The following TSHZ2 variants were observed in gnomAD, a reference collection of about 807,000 sequenced individuals.
TSHZ2 encodes teashirt homolog 2.
Under a neutral mutation model 74.4 loss-of-function variants are expected in TSHZ2, and 21 were observed. That is an observed-to-expected ratio of 0.28 (90% CI 0.20 to 0.41). TSHZ2 has a LOEUF of 0.41. TSHZ2 is among the 10% of genes least tolerant of loss of function. The pLI is 1.00. For missense variants in TSHZ2, 1,244 were observed against 1,293.5 expected (o/e 0.96, Z 0.59); for synonymous variants, 540 against 515.3 (o/e 1.05, Z -0.65).
chr20:53,305,909 C>T (rs1194128967), intron 2 of TSHZ2, among the ~76,000 whole-genome samples: 1 of 150,434 alleles, frequency 6.6e-6, no homozygotes, highest in South Asian at 2.1e-4. Context: ...ACCCGGGAGG[C>T]GGAGGCTGCA....
Position 53,482,108 on chromosome 20 carries a change from T to TAAAAAA in TSHZ2, c.*9-5015_*9-5010dup, listed in dbSNP as rs570413572. Among the ~76,000 whole-genome samples, 7 of 74,344 alleles carry TAAAAAA rather than the reference T, an allele frequency of 9.4e-5. 1 individual carries two copies. The highest frequency in any genetic ancestry group is 7.9e-4 in the East Asian group (2 of 2,530). 48.8% of individuals were successfully genotyped at this position (74,344 alleles called of 152,430 possible). On this transcript the variant is annotated intron_variant, in intron 2 of 2. Coordinates refer to ENST00000371497, the MANE Select transcript of TSHZ2 (RefSeq NM_173485.6). ...GCAACAAGAGCGAAACTCCATCTCA[T>TAAAAAA]AAAAAAAAAAAAAAAAAAAAAAAAA...
rs369330384 is a variant in TSHZ2 at position 53,288,571 on chromosome 20, C to T, written c.*8+32000C>T. ...TCCCATCAACAGTGATTGGGAGGAC[C>T]GCTCATTTATTCATTCAACATATTT... is the stretch of plus-strand genomic sequence containing the variant. On this transcript the variant is annotated intron_variant, in intron 2 of 2. Coordinates refer to ENST00000371497, the MANE Select transcript of TSHZ2 (RefSeq NM_173485.6). 3.9e-5 allele frequency among the ~76,000 whole-genome samples: 6 copies of T among 152,070 alleles called. No individual in the cohort carries two copies. In the East Asian group the frequency reaches 5.8e-4, roughly 15 times the overall value.
At chr20:53,431,997 A>G (rs1025969668) in intron 2 of TSHZ2, among the ~76,000 whole-genome samples, 10 of 152,162 alleles carry the variant, frequency 6.6e-5, no homozygotes, top group Admixed American at 6.5e-4. Flanking sequence ...TTTTTATTTA[A>G]ATAGCTTTAG....
At chr20:53,483,549 TA>T (rs1425587812) in intron 2 of TSHZ2, among the ~76,000 whole-genome samples, 1 of 152,098 alleles carries the variant, frequency 6.6e-6, no homozygotes, top group Non-Finnish European at 1.5e-5. Context: ...AACAAATTTT[TA>T]ATTAAAAAAT....
chr20:53,302,922 G>C (rs1214213111), intron 2 of TSHZ2, among the ~76,000 whole-genome samples: 1 of 152,194 alleles, frequency 6.6e-6, no homozygotes, highest in Non-Finnish European at 1.5e-5. Flanking sequence ...GGCCAAGGTG[G>C]CTGGTAGGAA....
At chr20:53,183,667 A>T (rs752358069) in intron 1 of TSHZ2, among the ~76,000 whole-genome samples, 4 of 152,204 alleles carry the variant, frequency 2.6e-5, no homozygotes, top group Non-Finnish European at 4.4e-5. Flanking sequence ...AGTTTCCTGG[A>T]ATGCAGGATA....
At chr20:53,170,782 G>T (rs932455467) in intron 1 of TSHZ2, among the ~76,000 whole-genome samples, 1 of 152,114 alleles carries the variant, frequency 6.6e-6, no homozygotes, top group African/African-American at 2.4e-5. Flanking sequence ...CTTCCTTAAG[G>T]TGAGGGATAT....
At chr20:53,225,355 A>G (rs758510430) in intron 1 of TSHZ2, among the ~76,000 whole-genome samples, 1 of 152,378 alleles carries the variant, frequency 6.6e-6, no homozygotes, top group African/African-American at 2.4e-5. Context: ...ACGAGAGCCC[A>G]TCATGGGTCC....
intron 2 of TSHZ2, among the ~76,000 whole-genome samples, chr20:53,441,805 C>T (rs1173602619): frequency 6.6e-6 from 1 of 151,916 alleles, no homozygotes; most frequent in Non-Finnish European, 1.5e-5. Flanking sequence ...TAGTCTTGAA[C>T]TCCTGACCTC....
At chr20:53,185,117 A>T (rs2904357) in intron 1 of TSHZ2, among the ~76,000 whole-genome samples, 52,699 of 152,016 alleles carry the variant, frequency 0.35, 10,435 homozygotes, top group East Asian at 0.78. Flanking sequence ...TACATTTTTT[A>T]AAATCTTTCA....
chr20:53,026,452 A>C (rs1468372450), intron 1 of TSHZ2, among the ~76,000 whole-genome samples: 8 of 151,866 alleles, frequency 5.3e-5, no homozygotes, highest in Admixed American at 2.0e-4. Flanking sequence ...CCCAGGTTCA[A>C]CTGATTCTCC....
intron 1 of TSHZ2, among the ~76,000 whole-genome samples, chr20:53,237,917 G>T (rs1989977727): frequency 6.6e-6 from 1 of 152,078 alleles, no homozygotes; most frequent in Non-Finnish European, 1.5e-5. Flanking sequence ...AGTCATTGGG[G>T]GATGATATGT....
At chr20:53,459,444 T>C (rs1468259053) in intron 2 of TSHZ2, among the ~76,000 whole-genome samples, 14 of 150,934 alleles carry the variant, frequency 9.3e-5, no homozygotes, top group Admixed American at 7.9e-4. Flanking sequence ...TTTGAGCCTA[T>C]GTGTGTCTCT....
chr20:53,194,234 G>C (rs987190894), intron 1 of TSHZ2, among the ~76,000 whole-genome samples: 1 of 152,162 alleles, frequency 6.6e-6, no homozygotes, highest in African/African-American at 2.4e-5. Flanking sequence ...TGCTTACATA[G>C]AATGTCCTCT....
At chr20:53,405,618 A>G (rs781146837) in intron 2 of TSHZ2, among the ~76,000 whole-genome samples, 5 of 152,218 alleles carry the variant, frequency 3.3e-5, no homozygotes, top group Non-Finnish European at 7.3e-5. Context: ...AGAACAGACC[A>G]TAAACTAGTA....
chr20:53,280,939 A>C (rs1969438269), intron 2 of TSHZ2, among the ~76,000 whole-genome samples: 1 of 152,046 alleles, frequency 6.6e-6, no homozygotes, highest in South Asian at 2.1e-4. Flanking sequence ...TGATCCGCCC[A>C]CTCATCCTCC....
intron 1 of TSHZ2, among the ~76,000 whole-genome samples, chr20:52,989,782 T>C (rs946564396): frequency 2.0e-5 from 3 of 152,148 alleles, no homozygotes; most frequent in Non-Finnish European, 4.4e-5. Context: ...TATATGTTGT[T>C]AGAAGCATTA....
chr20:53,107,699 G>T (rs73142262), intron 1 of TSHZ2, among the ~76,000 whole-genome samples: 2 of 152,140 alleles, frequency 1.3e-5, no homozygotes, highest in Admixed American at 6.5e-5. Flanking sequence ...GGTGCCGCAC[G>T]TATCTTCCCA....
intron 1 of TSHZ2, among the ~76,000 whole-genome samples, chr20:53,125,275 G>A (rs1345921849): frequency 6.6e-6 from 1 of 152,188 alleles, no homozygotes; most frequent in Non-Finnish European, 1.5e-5. Context: ...GTAGAGGAGA[G>A]AAGTCAACAG....
Sources: allele counts gnomAD v4.1 joint callset (sites outside exome capture counted in the v4.1 genomes callset), GRCh38; gene constraint gnomAD v4.1.1; transcripts MANE v1.5; gene names NCBI Gene and HGNC (gene_info 2026-07-23, HGNC 2026-07-21).